Variants in SV2C observed in about 807,000 individuals in gnomAD.
SV2C encodes the protein solute carrier family 22 member B3.
A neutral mutation model predicts 79.7 loss-of-function variants in SV2C; 49 were observed. The ratio of observed to expected loss-of-function variants is 0.61; its 90% CI spans 0.49 to 0.78. SV2C has a LOEUF of 0.78. Ranked by LOEUF, SV2C falls within the 30% of genes least tolerant of loss-of-function variation. The pLI, the probability that SV2C is intolerant of heterozygous loss-of-function variation, is 0.00. For missense variants in SV2C, 833 were observed against 912.9 expected (o/e 0.91, Z 1.13); for synonymous variants, 334 against 333.2 (o/e 1.00, Z -0.03).
chr5:76,043,376 ACTC>A, the SV2C span, among the ~76,000 whole-genome samples: 1 of 152,026 alleles, frequency 6.6e-6, no homozygotes, highest in African/African-American at 2.4e-5. Context: ...TGTCTTTCTC[ACTC>A]CTCACTTGCT....
At chr5:76,191,845 C>T (rs1244435615) in intron 2 of SV2C, among the ~76,000 whole-genome samples, 1 of 152,176 alleles carries the variant, frequency 6.6e-6, no homozygotes, top group East Asian at 1.9e-4. Context: ...TCCTGAAATC[C>T]CAGCTGAATT....
At chr5:76,015,071 C>T in the SV2C span, among the ~76,000 whole-genome samples, 1 of 152,142 alleles carries the variant, frequency 6.6e-6, no homozygotes, top group South Asian at 2.1e-4. Context: ...CATGTGAATA[C>T]TTTTGGCTAA....
intron 4 of SV2C, among the ~76,000 whole-genome samples, chr5:76,265,115 C>G (rs977467251): frequency 6.6e-6 from 1 of 152,218 alleles, no homozygotes; most frequent in Non-Finnish European, 1.5e-5. Context: ...AAGCCCCTAA[C>G]TGGGGCTGCT....
the SV2C span, among the ~76,000 whole-genome samples, chr5:75,870,993 C>T: frequency 6.6e-5 from 10 of 151,956 alleles, no homozygotes; most frequent in South Asian, 8.3e-4. Context: ...TTTAGAAATC[C>T]GAGTAAAATA....
chr5:76,045,307 T>A, the SV2C span, among the ~76,000 whole-genome samples: 2 of 152,210 alleles, frequency 1.3e-5, no homozygotes, highest in Non-Finnish European at 2.9e-5. Flanking sequence ...GCTGTTTTGG[T>A]TACTGTAGCC....
the SV2C span, among the ~76,000 whole-genome samples, chr5:76,074,508 C>T: frequency 2.6e-4 from 40 of 152,318 alleles, no homozygotes; most frequent in African/African-American, 8.4e-4. Flanking sequence ...ACTCAGGGTA[C>T]GGCCCTGAAT....
chr5:76,099,368 G>C (rs1747665956), intron 1 of SV2C, among the ~76,000 whole-genome samples: 1 of 90,202 alleles, frequency 1.1e-5, no homozygotes, highest in Non-Finnish European at 2.2e-5. Context: ...TTTTGCTCGT[G>C]TGTGTGTGTG....
chr5:76,272,456 G>T (rs1746901676), intron 4 of SV2C, among the ~76,000 whole-genome samples: 1 of 152,188 alleles, frequency 6.6e-6, no homozygotes, highest in Non-Finnish European at 1.5e-5. Context: ...GAATACTATT[G>T]TTGGGCTTTT....
chr5:76,240,976 G>A (rs1745766648), intron 4 of SV2C, among the ~76,000 whole-genome samples: 1 of 151,710 alleles, frequency 6.6e-6, no homozygotes, highest in African/African-American at 2.4e-5. Context: ...TTTTTTTTGA[G>A]ATGGAGTCTC....
Position 76,285,189 on chromosome 5 carries a change from A to G in SV2C, c.941A>G (p.Tyr314Cys). 2 of 1,614,134 alleles carry G rather than the reference A, an allele frequency of 1.2e-6. No individual in the cohort carries two copies. The highest frequency in any genetic ancestry group is 1.7e-6 in the Non-Finnish European group (2 of 1,180,018). Residue 314 changes from tyrosine (Y) to cysteine (C), a missense_variant, in exon 5 of 13, where the codon TAC (tyrosine) becomes TGC (cysteine). Tyr to Cys is a radical substitution (Grantham distance 194, BLOSUM62 -2). Coordinates refer to ENST00000502798, the MANE Select transcript of SV2C (RefSeq NM_014979.4). ...TGGAGCTTCAGCATGGGATCGGCCTACCAGTTTCACAGTTGGCGTGTGTTT... is the reference window on the plus strand; with the variant it reads ...TGGAGCTTCAGCATGGGATCGGCCTGCCAGTTTCACAGTTGGCGTGTGTTT... Reference protein sequence around the residue: ...YGWSFSMGSAYQFHSWRVFVI... With the variant: ...YGWSFSMGSACQFHSWRVFVI...
chr5:76,036,912 A>T, the SV2C span, among the ~76,000 whole-genome samples: 1 of 152,200 alleles, frequency 6.6e-6, no homozygotes, highest in Non-Finnish European at 1.5e-5. Context: ...CTTTTCACAC[A>T]GTCCCATATT....
the SV2C span, among the ~76,000 whole-genome samples, chr5:76,069,854 A>T: frequency 1.6e-5 from 2 of 128,036 alleles, no homozygotes; most frequent in African/African-American, 2.6e-5. Flanking sequence ...ACATACACAC[A>T]CACAAACACA....
At chr5:76,194,343 G>A (rs935269754) in intron 2 of SV2C, among the ~76,000 whole-genome samples, 2 of 152,128 alleles carry the variant, frequency 1.3e-5, no homozygotes, top group African/African-American at 2.4e-5. Context: ...AGGCATGAGC[G>A]GCAAACTTGA....
intron 9 of SV2C, among the ~76,000 whole-genome samples, chr5:76,297,158 C>T (rs1172023530): frequency 6.6e-6 from 1 of 152,070 alleles, no homozygotes; most frequent in South Asian, 2.1e-4. Context: ...ACATATGTTA[C>T]ACATTTATTT....
At chr5:76,249,211 T>C (rs2112435630) in intron 4 of SV2C, among the ~76,000 whole-genome samples, 1 of 152,350 alleles carries the variant, frequency 6.6e-6, no homozygotes, top group African/African-American at 2.4e-5. Flanking sequence ...GCTGCTTCTA[T>C]CATATCTTGT....
chr5:75,997,369 G>A, the SV2C span, among the ~76,000 whole-genome samples: 29 of 150,260 alleles, frequency 1.9e-4, no homozygotes, highest in East Asian at 1.9e-4. Flanking sequence ...GAGCTTCTGC[G>A]CAGCAAAAAA....
intron 12 of SV2C, among the ~76,000 whole-genome samples, chr5:76,306,263 C>T (rs1363321852): frequency 6.6e-6 from 1 of 151,818 alleles, no homozygotes; most frequent in East Asian, 1.9e-4. Flanking sequence ...ACTGTGTTGC[C>T]CAGGCTGGTC....
the SV2C span, among the ~76,000 whole-genome samples, chr5:75,967,192 C>G: frequency 6.6e-6 from 1 of 151,940 alleles, no homozygotes; most frequent in African/African-American, 2.4e-5. Context: ...TAAAAATTAG[C>G]CAAGTATGGG....
chr5:76,088,799 TA>T (rs1009648804), intron 1 of SV2C, among the ~76,000 whole-genome samples: 4 of 151,752 alleles, frequency 2.6e-5, no homozygotes, highest in African/African-American at 7.2e-5. Context: ...TCCTTTTTTT[TA>T]AAAAAAAATG....
Sources: allele counts gnomAD v4.1 joint callset (sites outside exome capture counted in the v4.1 genomes callset), GRCh38; gene constraint gnomAD v4.1.1; transcripts MANE v1.5; gene names NCBI Gene and HGNC (gene_info 2026-07-23, HGNC 2026-07-21).